The following SFI1 variants were observed in gnomAD, a reference collection of about 807,000 sequenced individuals.
SFI1 encodes the protein protein SFI1 homolog.
In SFI1, 195 loss-of-function variants were observed where a neutral mutation model predicts 207.5. The ratio of observed to expected loss-of-function variants is 0.94; its 90% CI spans 0.84 to 1.06. The LOEUF (loss-of-function observed/expected upper bound fraction) is 1.06, where lower values mean the gene tolerates loss of function less well. SFI1 is among the 50% of genes least tolerant of loss of function. The probability of loss-of-function intolerance (pLI) is 0.00; values close to 1 mark genes in which losing one functional copy is unlikely to be tolerated. For missense variants in SFI1, 1,634 were observed against 1,588.0 expected (o/e 1.03, Z -0.49); for synonymous variants, 630 against 598.9 (o/e 1.05, Z -0.76).
chr22:31,565,181 G>A (rs1190168033), intron 8 of SFI1, among the ~76,000 whole-genome samples: 1 of 151,870 alleles, frequency 6.6e-6, no homozygotes, highest in African/African-American at 2.4e-5. Context: ...CCCTCCCTCC[G>A]TCCCTTCTAC....
intron 1 of SFI1, among the ~76,000 whole-genome samples, chr22:31,501,440 G>A (rs1204766377): frequency 6.6e-6 from 1 of 152,130 alleles, no homozygotes; most frequent in Admixed American, 6.6e-5. Context: ...AAAGTGCTGG[G>A]ATTACAGGCG....
chr22:31,539,991 A>G (rs1291430451), intron 4 of SFI1, among the ~76,000 whole-genome samples: 1 of 152,090 alleles, frequency 6.6e-6, no homozygotes, highest in Non-Finnish European at 1.5e-5. Context: ...TGCTGGGATT[A>G]CAGGTGTGAG....
At chr22:31,588,736 C>T (rs573855234) in intron 14 of SFI1, among the ~76,000 whole-genome samples, 50 of 151,978 alleles carry the variant, frequency 3.3e-4, no homozygotes, top group East Asian at 7.7e-4. Context: ...TCACTTGAAC[C>T]CGGGAGGCGG....
At chr22:31,543,172 G>T (rs111963602) in intron 4 of SFI1, among the ~76,000 whole-genome samples, 1 of 151,614 alleles carries the variant, frequency 6.6e-6, no homozygotes, top group Non-Finnish European at 1.5e-5. Flanking sequence ...GGGTTTCACC[G>T]TGTTAGCCAG....
In SFI1 at chr22:31,501,032, C is replaced by T. The variant is rs945143180; in HGVS notation, c.-31+4395C>T. Among the ~76,000 whole-genome samples, 21 of 149,474 alleles carry T rather than the reference C, an allele frequency of 1.4e-4. No homozygotes were observed. The South Asian group carries it at 1.7e-3, about 12-fold the overall frequency. ...CAGGCTGGTCTCGAACTCCTGACCC[C>T]GTGACCCACCCACCTTGGCCTCCCA... On this transcript the variant is annotated intron_variant, in intron 1 of 32. Transcript: ENST00000400288.
rs746259168 is a variant in SFI1 at position 31,528,680 on chromosome 22, C to G, written c.93-10C>G. On this transcript the variant is annotated splice_polypyrimidine_tract_variant and intron_variant, in intron 2 of 32. Coordinates refer to ENST00000400288, the MANE Select transcript of SFI1 (RefSeq NM_001007467.3). ...ATTCTCTCCTTGCCTCTTTCGTCCT[C>G]AAATTTAAGGTATTTTAAGGATGGT... The G allele has an allele frequency of 9.3e-6, 15 of 1,610,130 alleles. No individual in the cohort carries two copies. Among genetic ancestry groups the G allele is most frequent in the Admixed American group, 1.7e-5 (1 of 59,170 alleles).
At chr22:31,591,163 A>G (rs919297577) in intron 15 of SFI1, among the ~76,000 whole-genome samples, 13 of 152,222 alleles carry the variant, frequency 8.5e-5, no homozygotes, top group Admixed American at 3.9e-4. Context: ...GGGAGTGGTG[A>G]TGACTCTTAA....
intron 6 of SFI1, among the ~76,000 whole-genome samples, chr22:31,553,529 ATTTT>A (rs71202096): frequency 4.7e-4 from 39 of 82,630 alleles, no homozygotes; most frequent in African/African-American, 1.7e-3. Context: ...TAATTTTTGT[ATTTT>A]TTTTTTTTTT....
chr22:31,513,111 A>G (rs1231649286), intron 2 of SFI1, among the ~76,000 whole-genome samples: 1 of 152,176 alleles, frequency 6.6e-6, no homozygotes, highest in Non-Finnish European at 1.5e-5. Context: ...AATACAATGT[A>G]AAATGATGAA....
At chr22:31,548,624 C>T (rs1490509931) in intron 5 of SFI1, among the ~76,000 whole-genome samples, 1 of 145,400 alleles carries the variant, frequency 6.9e-6, no homozygotes, top group Admixed American at 7.0e-5. Context: ...GCCTGGGCAA[C>T]AAAGCAAGAC....
rs1319347645 is a variant in SFI1 at position 31,599,848 on chromosome 22, T to G, written c.1545-2364T>G. Among the ~76,000 whole-genome samples the G allele has an allele frequency of 2.0e-5, 3 of 151,668 alleles. No homozygotes were observed. In the Admixed American group the frequency reaches 2.0e-4, roughly 10 times the overall value. ...ATGAAAACAATAAAATTCTATTTTG[T>G]CCCCATCCTTGATGATATTTTTATT... On this transcript the variant is annotated intron_variant, in intron 15 of 32. Coordinates refer to ENST00000400288, the MANE Select transcript of SFI1 (RefSeq NM_001007467.3).
At chr22:31,593,829 A>G (rs934062610) in intron 15 of SFI1, among the ~76,000 whole-genome samples, 1 of 147,390 alleles carries the variant, frequency 6.8e-6, no homozygotes, top group Non-Finnish European at 1.5e-5. Flanking sequence ...CCCCGTCTCC[A>G]CCAAAACCAG....
chr22:31,596,289 C>A (rs1432528438), intron 15 of SFI1, among the ~76,000 whole-genome samples: 2 of 151,536 alleles, frequency 1.3e-5, no homozygotes, highest in East Asian at 3.9e-4. Flanking sequence ...ATCTATCTGT[C>A]TATCCATCTG....
At chr22:31,525,187 G>A (rs565983007) in intron 2 of SFI1, among the ~76,000 whole-genome samples, 25 of 152,166 alleles carry the variant, frequency 1.6e-4, no homozygotes, top group African/African-American at 5.8e-4. Context: ...GTTTACTTTT[G>A]CTTTTGTTGC....
At position 31,604,892 on chromosome 22, in the gene SFI1, C is replaced by A; in HGVS notation, c.2001C>A (p.Ser667Arg). 6.2e-7 allele frequency: 1 copy of A among 1,612,000 alleles called. No individual in the cohort carries two copies. Among genetic ancestry groups the A allele is most frequent in the Admixed American group, 1.7e-5 (1 of 59,796 alleles). ...AWVTYQGRVR[S>R]ILREVAARES... The stretch of plus-strand genomic sequence containing the variant: ...AGACTTACCAGGGCAGGGTGCGAAG[C>A]ATCCTCCGGGAGGTGGCAGCCAGGG... The change falls in exon 20 of 33, where the codon AGC becomes AGA. Residue 667 changes from serine (S) to arginine (R), a missense_variant. Transcript: ENST00000400288.
intron 4 of SFI1, among the ~76,000 whole-genome samples, chr22:31,542,041 C>T (rs1373444879): frequency 6.9e-6 from 1 of 145,676 alleles, no homozygotes; most frequent in Non-Finnish European, 1.5e-5. Context: ...GCGGAGCTTG[C>T]AGTGAGCCGA....
intron 8 of SFI1, among the ~76,000 whole-genome samples, chr22:31,564,940 A>G (rs1004084010): frequency 6.7e-6 from 1 of 150,334 alleles, no homozygotes; most frequent in Non-Finnish European, 1.5e-5. Context: ...CAGCCTCCCA[A>G]GTAGCTGGGA....
In SFI1 at chr22:31,604,299, C is replaced by T; in HGVS notation, c.1882-10C>T. The T allele has an allele frequency of 6.4e-7, 1 of 1,564,458 alleles. No homozygotes were observed. Among genetic ancestry groups the T allele is most frequent in the Non-Finnish European group, 8.6e-7 (1 of 1,156,092 alleles). On this transcript the variant is annotated splice_polypyrimidine_tract_variant and intron_variant, in intron 18 of 32. Coordinates refer to ENST00000400288, the MANE Select transcript of SFI1 (RefSeq NM_001007467.3). ...CAGCCCACGGTAGCTGCTTTCTCCTCTGTCTGCAGTGCCTGGCCCTGCGGG... is the reference window on the plus strand; with the variant it reads ...CAGCCCACGGTAGCTGCTTTCTCCTTTGTCTGCAGTGCCTGGCCCTGCGGG...
intron 8 of SFI1, among the ~76,000 whole-genome samples, chr22:31,563,088 G>T (rs1480757163): frequency 6.6e-6 from 1 of 151,660 alleles, no homozygotes; most frequent in Non-Finnish European, 1.5e-5. Flanking sequence ...CTGCCTCCCA[G>T]GTTCAAGCAA....
Sources: gnomAD v4.1 joint callset for allele counts (sites outside exome capture counted in the v4.1 genomes callset) on GRCh38, gnomAD v4.1.1 for gene constraint, MANE v1.5 for transcripts, NCBI Gene and HGNC (gene_info 2026-07-23, HGNC 2026-07-21) for gene names.